The following AKAP19 variants were observed in gnomAD, a reference collection of about 807,000 sequenced individuals.
The protein encoded by AKAP19 is small A-kinase anchoring protein.
the AKAP19 span, among the ~76,000 whole-genome samples, chr2:189,984,689 T>C: frequency 6.6e-6 from 1 of 151,872 alleles, no homozygotes; most frequent in African/African-American, 2.4e-5. Flanking sequence ...TCACAACTTA[T>C]GTTTAGAGAT....
the AKAP19 span, among the ~76,000 whole-genome samples, chr2:190,121,455 T>G: frequency 6.6e-6 from 1 of 152,084 alleles, no homozygotes; most frequent in Admixed American, 6.5e-5. Context: ...ATCTACCCCC[T>G]CCAAAATATT....
the AKAP19 span, among the ~76,000 whole-genome samples, chr2:190,108,887 G>A: frequency 6.7e-6 from 1 of 148,580 alleles, no homozygotes; most frequent in African/African-American, 2.5e-5. Context: ...ACCTTAAACA[G>A]AAGACTAACT....
chr2:190,196,021 T>TA, the AKAP19 span, among the ~76,000 whole-genome samples: 2 of 147,128 alleles, frequency 1.4e-5, no homozygotes, highest in African/African-American at 5.0e-5. Flanking sequence ...ATGTGTGGTT[T>TA]GGATTTTTAA....
the AKAP19 span, chr2:190,060,043 A>G: frequency 3.1e-6 from 5 of 1,607,588 alleles, no homozygotes; most frequent in Non-Finnish European, 4.3e-6. Context: ...TTATAATGTT[A>G]TTTTCAGTTA....
At chr2:189,964,369 C>T in the AKAP19 span, among the ~76,000 whole-genome samples, 3 of 152,190 alleles carry the variant, frequency 2.0e-5, no homozygotes, top group Non-Finnish European at 2.9e-5. Flanking sequence ...ATAATTCTTA[C>T]AGGCCCTAGG....
chr2:189,932,462 A>G, the AKAP19 span, among the ~76,000 whole-genome samples: 11 of 151,064 alleles, frequency 7.3e-5, no homozygotes, highest in African/African-American at 2.7e-4. Flanking sequence ...TTCTCCCCCC[A>G]CCACCACACA....
chr2:190,008,761 CA>C, the AKAP19 span, among the ~76,000 whole-genome samples: 9 of 121,960 alleles, frequency 7.4e-5, no homozygotes, highest in African/African-American at 2.1e-4. Flanking sequence ...CACACACACA[CA>C]CACACACACC....
chr2:189,953,220 A>G, the AKAP19 span, among the ~76,000 whole-genome samples: 1 of 152,194 alleles, frequency 6.6e-6, no homozygotes, highest in East Asian at 1.9e-4. Context: ...TCACTAATAT[A>G]ATCCGAATAT....
chr2:190,004,111 G>T, the AKAP19 span, among the ~76,000 whole-genome samples: 2 of 146,210 alleles, frequency 1.4e-5, no homozygotes, highest in South Asian at 4.3e-4. Flanking sequence ...TACTCTAGTG[G>T]AAAATTCTAT....
the AKAP19 span, among the ~76,000 whole-genome samples, chr2:189,910,422 C>A: frequency 2.0e-5 from 3 of 151,964 alleles, no homozygotes; most frequent in African/African-American, 7.2e-5. Context: ...AGTATTGTTG[C>A]TCTTACCCGA....
At chr2:190,067,854 A>G in the AKAP19 span, among the ~76,000 whole-genome samples, 1 of 152,156 alleles carries the variant, frequency 6.6e-6, no homozygotes. Context: ...AAAATTTATC[A>G]TAGAAAATAA....
At chr2:189,973,812 T>G in the AKAP19 span, among the ~76,000 whole-genome samples, 1 of 152,100 alleles carries the variant, frequency 6.6e-6, no homozygotes, top group Admixed American at 6.6e-5. Flanking sequence ...TTGTATTTCT[T>G]TGGGATTGGT....
At chr2:190,137,319 T>C in the AKAP19 span, among the ~76,000 whole-genome samples, 1 of 152,208 alleles carries the variant, frequency 6.6e-6, no homozygotes, top group South Asian at 2.1e-4. Flanking sequence ...AAATTCTGTC[T>C]ACCTAAATAT....
chr2:189,888,528 G>C, the AKAP19 span, among the ~76,000 whole-genome samples: 1 of 152,116 alleles, frequency 6.6e-6, no homozygotes, highest in Non-Finnish European at 1.5e-5. Context: ...AAATTACTTT[G>C]GGCAGTATGG....
the AKAP19 span, among the ~76,000 whole-genome samples, chr2:189,940,082 A>G: frequency 2.6e-5 from 4 of 152,150 alleles, no homozygotes; most frequent in South Asian, 2.1e-4. Context: ...GATCGAGACC[A>G]TCTTGGCTAA....
the AKAP19 span, among the ~76,000 whole-genome samples, chr2:189,881,998 C>A: frequency 6.6e-6 from 1 of 152,096 alleles, no homozygotes; most frequent in Non-Finnish European, 1.5e-5. Context: ...TTTGATGGAA[C>A]TTTGTTCCAT....
chr2:189,923,522 G>T, the AKAP19 span: 6 of 1,613,892 alleles, frequency 3.7e-6, no homozygotes, highest in South Asian at 4.4e-5. Flanking sequence ...TGAGAGAAAT[G>T]CCCGGGCTGC....
the AKAP19 span, among the ~76,000 whole-genome samples, chr2:190,151,415 G>A: frequency 1.3e-5 from 2 of 152,150 alleles, no homozygotes; most frequent in Non-Finnish European, 2.9e-5. Context: ...CTGTGACCAT[G>A]TGTTTTCATT....
chr2:190,109,530 C>T, the AKAP19 span, among the ~76,000 whole-genome samples: 9 of 152,076 alleles, frequency 5.9e-5, no homozygotes, highest in Non-Finnish European at 1.2e-4. Context: ...TGGTGCTCCA[C>T]CATATGCCTG....
Sources: allele counts gnomAD v4.1 joint callset (sites outside exome capture counted in the v4.1 genomes callset), GRCh38; gene constraint gnomAD v4.1.1; transcripts MANE v1.5; gene names NCBI Gene and HGNC (gene_info 2026-07-23, HGNC 2026-07-21).